Variants in CCSER1 observed in about 807,000 individuals in gnomAD.
CCSER1 encodes coiled-coil serine rich protein 1.
CCSER1 carries 41 observed loss-of-function variants against 82.0 expected under a neutral mutation model. That is an observed-to-expected ratio of 0.50 (90% CI 0.39 to 0.65). The LOEUF (loss-of-function observed/expected upper bound fraction) is 0.65. Ranked by LOEUF, CCSER1 falls within the 30% of genes least tolerant of loss-of-function variation. The pLI, the probability that CCSER1 is intolerant of heterozygous loss-of-function variation, is 0.00. For missense variants in CCSER1, 1,119 were observed against 1,064.2 expected, an observed-to-expected ratio of 1.05 and a Z score of -0.72; for synonymous variants, 414 against 383.9, an observed-to-expected ratio of 1.08 and a Z score of -0.92.
rs184961645 is a variant in CCSER1 at position 90,668,737 on chromosome 4, T to C, written c.1932+40505T>C. ...AAGTAGTCATTTGGAAATTGTTATT[T>C]TGGGAATTTTTTAGATCAACTTTTT... On this transcript the variant is annotated intron_variant, in intron 6 of 10. Coordinates refer to ENST00000509176, the MANE Select transcript of CCSER1 (RefSeq NM_001145065.2). Among the ~76,000 whole-genome samples the C allele has an allele frequency of 3.9e-5, 6 of 152,242 alleles. No homozygotes were observed. In the East Asian group the frequency reaches 9.7e-4, roughly 24 times the overall value.
chr4:90,640,627 C>A (rs1010237010), intron 6 of CCSER1, among the ~76,000 whole-genome samples: 1 of 152,156 alleles, frequency 6.6e-6, no homozygotes, highest in Non-Finnish European at 1.5e-5. Context: ...CCATAATCCC[C>A]AGATGTCAAG....
rs1329220366 is a variant in CCSER1 at position 90,932,966 on chromosome 4, G to GA, written c.2172+9522dup. Among the ~76,000 whole-genome samples the GA allele has an allele frequency of 1.5e-4, 5 of 34,216 alleles. 1 individual carries two copies. The highest frequency in any genetic ancestry group is 5.2e-5 in the Non-Finnish European group (1 of 19,362). 22.4% of individuals were successfully genotyped at this position (34,216 alleles called of 152,430 possible). A position where few individuals can be genotyped will look rare whatever the true frequency, so the allele number is the denominator to read the frequency against. ...AGAAAGAAAGAAAGAAAGAAAGAAA[G>GA]AAAGAAAGAAAGAAAGAGAAAGAAA... On this transcript the variant is annotated intron_variant, in intron 9 of 10. Transcript: ENST00000509176.
At chr4:90,353,398 A>G (rs1743855485) in intron 3 of CCSER1, among the ~76,000 whole-genome samples, 1 of 152,106 alleles carries the variant, frequency 6.6e-6, no homozygotes, top group African/African-American at 2.4e-5. Context: ...TGAACATTAA[A>G]TAGTCACTCA....
At chr4:91,509,100 CTG>C (rs1241011416) in intron 10 of CCSER1, among the ~76,000 whole-genome samples, 1 of 151,652 alleles carries the variant, frequency 6.6e-6, no homozygotes, top group African/African-American at 2.4e-5. Flanking sequence ...TTTATTTCCT[CTG>C]TAGTTTTCAT....
chr4:90,622,468 T>C (rs1196870830), intron 5 of CCSER1, among the ~76,000 whole-genome samples: 1 of 152,178 alleles, frequency 6.6e-6, no homozygotes, highest in African/African-American at 2.4e-5. Context: ...CTTTCCTGTG[T>C]CCAAGTGTTC....
chr4:90,488,985 C>A (rs371449395), intron 5 of CCSER1, among the ~76,000 whole-genome samples: 53 of 152,210 alleles, frequency 3.5e-4, no homozygotes, highest in African/African-American at 1.2e-3. Context: ...AATTTTACTT[C>A]TCTACACAGA....
At chr4:90,215,919 G>A (rs191864435) in intron 1 of CCSER1, among the ~76,000 whole-genome samples, 1 of 152,272 alleles carries the variant, frequency 6.6e-6, no homozygotes, top group African/African-American at 2.4e-5. Flanking sequence ...GATGTAGGAG[G>A]TGCAGAAGAC....
At chr4:90,903,407 G>C (rs1357997091) in intron 8 of CCSER1, among the ~76,000 whole-genome samples, 1 of 152,038 alleles carries the variant, frequency 6.6e-6, no homozygotes, top group East Asian at 1.9e-4. Context: ...GGCCTCCTCA[G>C]CCGTCTGGAT....
At chr4:91,489,796 A>AT (rs70965501) in intron 10 of CCSER1, among the ~76,000 whole-genome samples, 3 of 151,454 alleles carry the variant, frequency 2.0e-5, no homozygotes, top group Non-Finnish European at 4.4e-5. Flanking sequence ...TTAAAATAAA[A>AT]AAAAGATTGA....
At chr4:91,275,129 T>G (rs60776738) in intron 10 of CCSER1, among the ~76,000 whole-genome samples, 2 of 151,838 alleles carry the variant, frequency 1.3e-5, no homozygotes, top group Non-Finnish European at 2.9e-5. Flanking sequence ...AACACTAATT[T>G]ATTTTCCTCT....
chr4:90,827,001 A>G (rs1760553973), intron 8 of CCSER1, among the ~76,000 whole-genome samples: 1 of 152,196 alleles, frequency 6.6e-6, no homozygotes, highest in African/African-American at 2.4e-5. Context: ...GGAAATGAGC[A>G]TCAAGCAGTT....
At chr4:90,944,471 G>C (rs1228140040) in intron 9 of CCSER1, among the ~76,000 whole-genome samples, 1 of 152,234 alleles carries the variant, frequency 6.6e-6, no homozygotes, top group African/African-American at 2.4e-5. Context: ...CAGGTCTGGG[G>C]TGTGGAAGGC....
chr4:91,417,874 A>C (rs546848326), intron 10 of CCSER1, among the ~76,000 whole-genome samples: 4 of 152,254 alleles, frequency 2.6e-5, no homozygotes, highest in Admixed American at 6.5e-5. Flanking sequence ...TTTAAAAAAT[A>C]TTCTCTAGGA....
At chr4:91,540,095 T>G (rs1560748523) in intron 10 of CCSER1, among the ~76,000 whole-genome samples, 1 of 152,144 alleles carries the variant, frequency 6.6e-6, no homozygotes, top group Non-Finnish European at 1.5e-5. Context: ...AAGAGCTTTT[T>G]TATGCTCATA....
At chr4:90,946,703 G>A (rs543361033) in intron 9 of CCSER1, among the ~76,000 whole-genome samples, 1 of 151,820 alleles carries the variant, frequency 6.6e-6, no homozygotes, top group East Asian at 1.9e-4. Flanking sequence ...GGCTGTTCAT[G>A]TCAAACAAAT....
rs36091173 is a variant in CCSER1 at position 91,574,256 on chromosome 4, GAA to G, written c.2218-24306_2218-24305del. Among the ~76,000 whole-genome samples the G allele has an allele frequency of 7.8e-3, 1,166 of 150,208 alleles. 7 individuals carry two copies. The highest frequency in any genetic ancestry group is 0.014 in the Middle Eastern group (4 of 286). On this transcript the variant is annotated intron_variant, in intron 10 of 10. Coordinates refer to ENST00000509176, the MANE Select transcript of CCSER1 (RefSeq NM_001145065.2). ...AAAAACAGATGCTACTGAGGTTCTG[GAA>G]AAAAAAAAATGAATGCTTATACATA... is the stretch of plus-strand genomic sequence containing the variant.
At chr4:91,370,195 C>T (rs1002201809) in intron 10 of CCSER1, among the ~76,000 whole-genome samples, 11 of 151,938 alleles carry the variant, frequency 7.2e-5, no homozygotes, top group African/African-American at 2.2e-4. Flanking sequence ...TAAAGAAAGA[C>T]TGGGAAAAAA....
chr4:90,636,680 C>T (rs1381710977), intron 6 of CCSER1, among the ~76,000 whole-genome samples: 1 of 151,946 alleles, frequency 6.6e-6, no homozygotes, highest in Non-Finnish European at 1.5e-5. Context: ...AAAATATAAA[C>T]CTCAGTTTAC....
chr4:90,830,402 G>C (rs1760984899), intron 8 of CCSER1, among the ~76,000 whole-genome samples: 1 of 152,036 alleles, frequency 6.6e-6, no homozygotes, highest in Non-Finnish European at 1.5e-5. Flanking sequence ...TTGCTATGGA[G>C]AAGCAAAAAG....
Sources: allele counts gnomAD v4.1 joint callset (sites outside exome capture counted in the v4.1 genomes callset), GRCh38; gene constraint gnomAD v4.1.1; transcripts MANE v1.5; gene names NCBI Gene and HGNC (gene_info 2026-07-23, HGNC 2026-07-21).